PEX7: variants seen among roughly 807,000 people sequenced by gnomAD.
The protein encoded by PEX7 is peroxisomal biogenesis factor 7, also known as PTS2 receptor.
In PEX7, 34 loss-of-function variants were observed where a neutral mutation model predicts 47.5. The ratio of observed to expected loss-of-function variants is 0.72; its 90% CI spans 0.54 to 0.95. The LOEUF (loss-of-function observed/expected upper bound fraction) is 0.95. Ranked by LOEUF, PEX7 falls within the 40% of genes least tolerant of loss-of-function variation. The pLI, the probability that PEX7 is intolerant of heterozygous loss-of-function variation, is 0.00. For synonymous variants in PEX7, 141 were observed against 148.8 expected, an observed-to-expected ratio of 0.95 and a Z score of 0.38; for missense variants, 394 against 400.3, an observed-to-expected ratio of 0.98 and a Z score of 0.13.
At position 136,884,584 on chromosome 6, in the gene PEX7, G is replaced by T. The variant is rs61560967; in HGVS notation, c.803+12331G>T. 2.8e-3 allele frequency among the ~76,000 whole-genome samples: 429 copies of T among 151,302 alleles called. 8 individuals are homozygous for T. The highest frequency in any genetic ancestry group is 9.9e-3 in the African/African-American group (407 of 41,188). On this transcript the variant is annotated intron_variant, in intron 8 of 9. Transcript: ENST00000318471. ...TGGTGGGTGTTATATCAAAACTGAT[G>T]ATATGGTGGATATTTTAGAAAATGT...
At chr6:136,897,036 C>A (rs1775664350) in intron 8 of PEX7, among the ~76,000 whole-genome samples, 1 of 152,142 alleles carries the variant, frequency 6.6e-6, no homozygotes, top group African/African-American at 2.4e-5. Flanking sequence ...AATCACTCTT[C>A]CCAAATATTT....
chr6:136,903,976 A>G (rs559260898), intron 9 of PEX7, among the ~76,000 whole-genome samples: 1 of 152,104 alleles, frequency 6.6e-6, no homozygotes, highest in East Asian at 1.9e-4. Context: ...CTGGTTAGAT[A>G]TCATTTAAAA....
chr6:136,873,310 T>C (rs1775213451), intron 8 of PEX7, among the ~76,000 whole-genome samples: 2 of 152,186 alleles, frequency 1.3e-5, no homozygotes, highest in South Asian at 4.1e-4. Context: ...ATTTAGCTTG[T>C]TTTCAATGTT....
At chr6:136,868,712 T>TGAA (rs1775118078) in intron 6 of PEX7, among the ~76,000 whole-genome samples, 1 of 150,736 alleles carries the variant, frequency 6.6e-6, no homozygotes, top group Admixed American at 6.6e-5. Flanking sequence ...TTTTTGCCAT[T>TGAA]ACTTTCAATG....
intron 9 of PEX7, among the ~76,000 whole-genome samples, chr6:136,898,986 G>A (rs1489640422): frequency 6.6e-6 from 1 of 150,694 alleles, no homozygotes; most frequent in African/African-American, 2.4e-5. Flanking sequence ...GTGCTTTTAT[G>A]ATAACTCTCA....
intron 8 of PEX7, among the ~76,000 whole-genome samples, chr6:136,888,275 A>G (rs570565443): frequency 6.6e-6 from 1 of 152,240 alleles, no homozygotes; most frequent in East Asian, 1.9e-4. Flanking sequence ...ATCTTTTAAG[A>G]TAGTTGTTTT....
intron 5 of PEX7, among the ~76,000 whole-genome samples, chr6:136,856,406 G>A (rs1432536624): frequency 2.0e-5 from 3 of 152,016 alleles, no homozygotes; most frequent in African/African-American, 7.2e-5. Context: ...TATAGGCATG[G>A]TTGAATGTAG....
chr6:136,836,620 T>G (rs1320051284), intron 3 of PEX7, among the ~76,000 whole-genome samples: 2 of 152,232 alleles, frequency 1.3e-5, no homozygotes, highest in African/African-American at 4.8e-5. Flanking sequence ...AAACCCAGTA[T>G]TGTGATTATA....
chr6:136,910,917 A>G (rs550454757), intron 9 of PEX7, among the ~76,000 whole-genome samples: 1 of 152,320 alleles, frequency 6.6e-6, no homozygotes, highest in South Asian at 2.1e-4. Flanking sequence ...AGCTTGAACA[A>G]CTATCAACAT....
chr6:136,862,421 G>A (rs1378757095), intron 5 of PEX7, among the ~76,000 whole-genome samples: 2 of 151,648 alleles, frequency 1.3e-5, no homozygotes, highest in Admixed American at 6.6e-5. Flanking sequence ...TGTCACCCAG[G>A]GTGGAGTACA....
chr6:136,863,318 C>T (rs186947381), intron 5 of PEX7, among the ~76,000 whole-genome samples: 7 of 151,950 alleles, frequency 4.6e-5, no homozygotes, highest in Non-Finnish European at 7.4e-5. Context: ...GTGCTATGGA[C>T]GGAGGTACCA....
intron 3 of PEX7, among the ~76,000 whole-genome samples, chr6:136,837,361 C>CAAAAAAAGAAAAAAAA (rs1774408041): frequency 1.2e-5 from 1 of 83,452 alleles, no homozygotes; most frequent in Non-Finnish European, 2.2e-5. Context: ...GAGTCTGTCA[C>CAAAAAAAGAAAAAAAA]AAAAAAAAAA....
intron 1 of PEX7, among the ~76,000 whole-genome samples, chr6:136,824,056 G>GA (rs1437659344): frequency 3.3e-5 from 5 of 152,020 alleles, no homozygotes; most frequent in Non-Finnish European, 7.4e-5. Flanking sequence ...TCCTACAGCA[G>GA]AAAAAAATGT....
chr6:136,906,261 A>G (rs1402030870), intron 9 of PEX7, among the ~76,000 whole-genome samples: 1 of 152,256 alleles, frequency 6.6e-6, no homozygotes, highest in Admixed American at 6.5e-5. Flanking sequence ...AAAATAGAAT[A>G]TAAAATTTTA....
chr6:136,912,032 T>A (rs1327301147), intron 9 of PEX7, among the ~76,000 whole-genome samples: 1 of 152,218 alleles, frequency 6.6e-6, no homozygotes, highest in Non-Finnish European at 1.5e-5. Context: ...ATTTCCCTAA[T>A]CCCTAATGAT....
At chr6:136,906,884 C>T (rs1024961839) in intron 9 of PEX7, among the ~76,000 whole-genome samples, 1 of 152,092 alleles carries the variant, frequency 6.6e-6, no homozygotes, top group African/African-American at 2.4e-5. Flanking sequence ...TGCTCAGAAA[C>T]CTTCAAGAGG....
chr6:136,830,547 G>A (rs1419806393), intron 3 of PEX7, among the ~76,000 whole-genome samples: 1 of 152,158 alleles, frequency 6.6e-6, no homozygotes, highest in Non-Finnish European at 1.5e-5. Context: ...TTTAACTGGT[G>A]TCTGCAGAGG....
intron 8 of PEX7, among the ~76,000 whole-genome samples, chr6:136,886,589 TTAA>T (rs1775471058): frequency 6.6e-6 from 1 of 152,204 alleles, no homozygotes; most frequent in South Asian, 2.1e-4. Flanking sequence ...TAGCATTACG[TTAA>T]TAACATAATT....
At chr6:136,845,933 A>G (rs1444627655) in intron 4 of PEX7, 140 bp from the exon 5 acceptor site, 4 of 684,372 alleles carry the variant, frequency 5.8e-6, no homozygotes, top group East Asian at 5.4e-5. Flanking sequence ...ATCAAAACAG[A>G]TCTTTAAAAA....
Sources: gnomAD v4.1 joint callset for allele counts (sites outside exome capture counted in the v4.1 genomes callset) on GRCh38, gnomAD v4.1.1 for gene constraint, MANE v1.5 for transcripts, NCBI Gene and HGNC (gene_info 2026-07-23, HGNC 2026-07-21) for gene names.